The following SMG6 variants were observed in gnomAD, a reference collection of about 807,000 sequenced individuals.
SMG6 encodes the protein telomerase-binding protein EST1A.
SMG6 carries 66 observed loss-of-function variants against 142.2 expected under a neutral mutation model. The ratio of observed to expected loss-of-function variants is 0.46; its 90% CI spans 0.38 to 0.57. SMG6 has a LOEUF of 0.57. Among genes scored for constraint, SMG6 ranks in the 20% least tolerant of loss-of-function variants. The pLI, the probability that SMG6 is intolerant of heterozygous loss-of-function variation, is 0.00. For synonymous variants in SMG6, 779 were observed against 702.4 expected (o/e 1.11, Z -1.72); for missense variants, 1,793 against 1,832.0 (o/e 0.98, Z 0.39).
At chr17:2,277,437 A>G (rs1384928314) in intron 8 of SMG6, among the ~76,000 whole-genome samples, 1 of 152,066 alleles carries the variant, frequency 6.6e-6, no homozygotes, top group African/African-American at 2.4e-5. Flanking sequence ...AAGAGCTGGG[A>G]TTACAGGCGT....
chr17:2,181,172 A>G (rs2071794939), intron 12 of SMG6, among the ~76,000 whole-genome samples: 1 of 152,226 alleles, frequency 6.6e-6, no homozygotes, highest in African/African-American at 2.4e-5. Flanking sequence ...ACCTTTGCCA[A>G]TCTCTCAACC....
intron 13 of SMG6, among the ~76,000 whole-genome samples, chr17:2,124,903 T>C (rs1018669981): frequency 4.6e-5 from 7 of 152,190 alleles, no homozygotes; most frequent in Admixed American, 6.5e-5. Flanking sequence ...ACAACCATGA[T>C]TGGCACCGAA....
intron 13 of SMG6, among the ~76,000 whole-genome samples, chr17:2,119,202 C>T (rs990163124): frequency 6.6e-6 from 1 of 152,004 alleles, no homozygotes; most frequent in Non-Finnish European, 1.5e-5. Flanking sequence ...GGATTATAGG[C>T]ATGTGCCACC....
chr17:2,080,425 A>G (rs544805704), intron 15 of SMG6, among the ~76,000 whole-genome samples: 30 of 152,308 alleles, frequency 2.0e-4, no homozygotes, highest in Admixed American at 1.8e-3. Flanking sequence ...CTCAAAACAA[A>G]AACAAAAACA....
intron 10 of SMG6, among the ~76,000 whole-genome samples, chr17:2,209,013 A>C (rs898993350): frequency 1.3e-5 from 2 of 152,076 alleles, no homozygotes; most frequent in African/African-American, 4.8e-5. Context: ...GACTCCATCA[A>C]AATTAGCTGG....
intron 13 of SMG6, chr17:2,094,751 T>TG (rs2068811899): frequency 6.6e-6 from 1 of 152,192 alleles, no homozygotes; most frequent in South Asian, 2.1e-4. Flanking sequence ...AAAGTAGTGA[T>TG]GAGAAGATCC....
chr17:2,214,961 A>G (rs1322023781), intron 10 of SMG6, among the ~76,000 whole-genome samples: 2 of 152,182 alleles, frequency 1.3e-5, no homozygotes, highest in Non-Finnish European at 2.9e-5. Flanking sequence ...AGAACTGAGG[A>G]ATGCTCTCGA....
intron 10 of SMG6, among the ~76,000 whole-genome samples, chr17:2,198,922 G>C (rs1597581082): frequency 6.8e-6 from 1 of 146,402 alleles, no homozygotes; most frequent in Non-Finnish European, 1.5e-5. Flanking sequence ...AACTGTCAGG[G>C]GCAACCAGAA....
chr17:2,085,153 CACACACACAG>C lies in SMG6; in HGVS notation c.3534+562_3534+571del, dbSNP rs1312848752. 6.6e-6 allele frequency among the ~76,000 whole-genome samples: 1 copy of C among 152,092 alleles called. No individual in the cohort carries two copies. Among genetic ancestry groups the C allele is most frequent in the African/African-American group, 2.4e-5 (1 of 41,406 alleles). On this transcript the variant is annotated intron_variant, in intron 14 of 18. Coordinates refer to ENST00000263073, the MANE Select transcript of SMG6 (RefSeq NM_017575.5). The surrounding 1 kb of genome is among the most constrained non-coding windows in gnomAD (Gnocchi z 4.1). ...GCACACACACACACAGACGCGCACA[CACACACACAG>C]ACACACACACACGAGTCTGGAGTGA...
chr17:2,114,287 A>C (rs911204795), intron 13 of SMG6, among the ~76,000 whole-genome samples: 58 of 152,028 alleles, frequency 3.8e-4, no homozygotes, highest in African/African-American at 1.2e-3. Context: ...AACAAAAAAT[A>C]CTCCCCAAAA....
rs73296772 is a variant in SMG6, at chr17:2,198,614, C to T, written c.2870-10099G>A. On this transcript the variant is annotated intron_variant, in intron 10 of 18. Transcript: ENST00000263073. Reference sequence around the variant, plus strand: ...AGGACGGGTGAAGGGTGCATAAGACCTCTCTGTACATTTTTAAAACAACTT... The same window carrying T: ...AGGACGGGTGAAGGGTGCATAAGACTTCTCTGTACATTTTTAAAACAACTT... 3.8e-3 allele frequency among the ~76,000 whole-genome samples: 577 copies of T among 152,188 alleles called. 2 individuals are homozygous for T. Among genetic ancestry groups the T allele is most frequent in the African/African-American group, 0.013 (535 of 41,504 alleles).
At chr17:2,236,933 T>C (rs928549836) in intron 9 of SMG6, 15 of 781,422 alleles carry the variant, frequency 1.9e-5, no homozygotes, top group Non-Finnish European at 2.4e-5. Context: ...CCCCTGGCAA[T>C]AACTGTGTTC....
intron 8 of SMG6, among the ~76,000 whole-genome samples, chr17:2,276,311 A>T (rs745988248): frequency 2.6e-5 from 4 of 152,104 alleles, no homozygotes; most frequent in Non-Finnish European, 4.4e-5. Flanking sequence ...CACCCCAAAC[A>T]TCTACAGCTA....
chr17:2,241,620 G>C (rs1438561311), intron 9 of SMG6, among the ~76,000 whole-genome samples: 1 of 152,048 alleles, frequency 6.6e-6, no homozygotes, highest in Non-Finnish European at 1.5e-5. Context: ...TGAACTCCTG[G>C]GCTCAGGCGA....
intron 13 of SMG6, among the ~76,000 whole-genome samples, chr17:2,106,909 C>T (rs867242430): frequency 1.3e-5 from 2 of 151,798 alleles, no homozygotes; most frequent in South Asian, 2.1e-4. Flanking sequence ...CTGCAACCTC[C>T]GCCTCCCGGG....
At chr17:2,073,251 T>C (rs1413174730) in intron 15 of SMG6, among the ~76,000 whole-genome samples, 2 of 151,742 alleles carry the variant, frequency 1.3e-5, no homozygotes, top group Non-Finnish European at 2.9e-5. Flanking sequence ...GCCCGGCTAA[T>C]TTTTGTATTT....
At chr17:2,195,055 A>G (rs929516605) in intron 10 of SMG6, among the ~76,000 whole-genome samples, 27 of 152,188 alleles carry the variant, frequency 1.8e-4, no homozygotes, top group African/African-American at 6.0e-4. Context: ...CGGCCTGGGA[A>G]GTCTGAACTG....
intron 8 of SMG6, among the ~76,000 whole-genome samples, chr17:2,279,096 A>G (rs566987420): frequency 5.1e-4 from 78 of 152,352 alleles, no homozygotes; most frequent in African/African-American, 1.8e-3. Flanking sequence ...AAATGTGGTT[A>G]TTACAAAGGC....
chr17:2,188,247 A>C, intron 11 of SMG6, 152 bp downstream of exon 11: 1 of 658,474 alleles, frequency 1.5e-6, no homozygotes, highest in Non-Finnish European at 2.7e-6. Context: ...AAATGGGACT[A>C]GTTAGGCAGG....
Sources: gnomAD v4.1 joint callset for allele counts (sites outside exome capture counted in the v4.1 genomes callset) on GRCh38, gnomAD v4.1.1 for gene constraint, Gnocchi (gnomAD v3.1) non-coding constraint, MANE v1.5 for transcripts, NCBI Gene and HGNC (gene_info 2026-07-23, HGNC 2026-07-21) for gene names.